The following ANO3 variants were observed in gnomAD, a reference collection of about 807,000 sequenced individuals.
The protein encoded by ANO3 is anoctamin 3.
A neutral mutation model predicts 144.8 loss-of-function variants in ANO3; 99 were observed. The ratio of observed to expected loss-of-function variants is 0.68; its 90% CI spans 0.58 to 0.81. The LOEUF is 0.81. ANO3 is among the 30% of genes least tolerant of loss of function. The pLI is 0.00. For synonymous variants in ANO3, 414 were observed against 392.6 expected (o/e 1.05, Z -0.64); for missense variants, 905 against 1,202.2 (o/e 0.75, Z 3.66).
intron 15 of ANO3, 85 bp downstream of exon 15, chr11:26,598,532 C>T: frequency 1.1e-6 from 1 of 920,464 alleles, no homozygotes; most frequent in Non-Finnish European, 1.7e-6. Flanking sequence ...CGGCTGGAAG[C>T]AGTTAACCAC....
intron 1 of ANO3, among the ~76,000 whole-genome samples, chr11:26,248,003 T>C (rs1410454723): frequency 6.6e-6 from 1 of 151,810 alleles, no homozygotes; most frequent in Non-Finnish European, 1.5e-5. Flanking sequence ...AGTCCTCTGA[T>C]TACAGGCGTG....
chr11:26,553,003 C>CACGTGTAAAAATGGCCTGTTATCATT (rs1554968939), intron 12 of ANO3, among the ~76,000 whole-genome samples: 12 of 151,714 alleles, frequency 7.9e-5, no homozygotes, highest in Admixed American at 3.9e-4. Context: ...CCATTTATCA[C>CACGTGTAAAAATGGCCTGTTATCATT]ACAATTATCT....
chr11:26,505,839 T>C (rs180840174), intron 4 of ANO3, among the ~76,000 whole-genome samples: 3,277 of 151,546 alleles, frequency 0.022, 60 homozygotes, highest in Non-Finnish European at 0.035. Context: ...AAATAGTAGC[T>C]GGGCGTGGTG....
chr11:26,447,424 AG>A (rs200092462), intron 3 of ANO3, among the ~76,000 whole-genome samples: 1,754 of 152,268 alleles, frequency 0.012, 17 homozygotes, highest in Non-Finnish European at 0.019. Flanking sequence ...AATGTCACAT[AG>A]CTAGCCAATG....
At chr11:26,404,509 G>C (rs1035793594) in intron 1 of ANO3, among the ~76,000 whole-genome samples, 3 of 151,726 alleles carry the variant, frequency 2.0e-5, no homozygotes, top group African/African-American at 7.3e-5. Flanking sequence ...TAGTGAGTAA[G>C]AGTATTGAAA....
intron 17 of ANO3, 29 bp from the exon 18 acceptor site, chr11:26,624,433 T>A: frequency 1.3e-6 from 2 of 1,534,744 alleles, no homozygotes; most frequent in Non-Finnish European, 1.8e-6. Context: ...AGAGGAATAA[T>A]GTTCACTATG....
At chr11:26,192,108 A>C (rs917254497) in intron 1 of ANO3, among the ~76,000 whole-genome samples, 2 of 152,194 alleles carry the variant, frequency 1.3e-5, no homozygotes, top group Non-Finnish European at 2.9e-5. Flanking sequence ...AGATTTTCAA[A>C]GATATTGTGT....
chr11:26,613,413 TTGTC>T (rs1460582441), intron 17 of ANO3, among the ~76,000 whole-genome samples: 1 of 152,170 alleles, frequency 6.6e-6, no homozygotes, highest in Admixed American at 6.5e-5. Context: ...ATTGAATCAT[TTGTC>T]TGTGCTGTCT....
chr11:26,559,616 G>T (rs1382067177), intron 13 of ANO3, 103 bp from the exon 14 acceptor site: 4 of 788,626 alleles, frequency 5.1e-6, no homozygotes, highest in East Asian at 2.5e-5. Flanking sequence ...AAAATAATAT[G>T]ATTCTATTTG....
At position 26,662,126 on chromosome 11, in the gene ANO3, C is replaced by T. The variant is rs541582035; in HGVS notation, c.*1682C>T. ...ATTAACACTGAAAATGTTTTGTTAGCTTTTCCTTCTTTCTCTCCAGAAGAA... is the reference window on the plus strand; with the variant it reads ...ATTAACACTGAAAATGTTTTGTTAGTTTTTCCTTCTTTCTCTCCAGAAGAA... On this transcript the variant is annotated 3_prime_UTR_variant, in exon 27 of 27. Transcript: ENST00000256737. 1.2e-4 allele frequency: 19 copies of T among 152,054 alleles called. No homozygotes were observed. The highest frequency in any genetic ancestry group is 4.1e-4 in the African/African-American group (17 of 41,520). 9.4% of individuals were successfully genotyped at this position (152,054 alleles called of 1,614,324 possible).
intron 1 of ANO3, among the ~76,000 whole-genome samples, chr11:26,190,514 A>C (rs1402305502): frequency 6.6e-6 from 1 of 152,170 alleles, no homozygotes; most frequent in Admixed American, 6.6e-5. Context: ...ACAGATGTAC[A>C]TAGCTTTTTA....
At chr11:26,484,537 G>T (rs1278792920) in intron 4 of ANO3, among the ~76,000 whole-genome samples, 10 of 152,198 alleles carry the variant, frequency 6.6e-5, no homozygotes, top group Non-Finnish European at 1.2e-4. Context: ...ATGCTTGGAT[G>T]TCCAGGCAGA....
chr11:26,594,258 T>C (rs1377620994), intron 14 of ANO3, among the ~76,000 whole-genome samples: 1 of 152,212 alleles, frequency 6.6e-6, no homozygotes, highest in African/African-American at 2.4e-5. Flanking sequence ...GGGTCTACAC[T>C]GGGAACTGCC....
intron 14 of ANO3, among the ~76,000 whole-genome samples, chr11:26,589,880 T>G (rs1316267875): frequency 6.6e-6 from 1 of 152,208 alleles, no homozygotes; most frequent in East Asian, 1.9e-4. Flanking sequence ...ATACGCAATC[T>G]GTATTTCTCT....
rs546224172 is a variant in ANO3 at position 26,249,781 on chromosome 11, A to AAAAG, written c.155-59846_155-59843dup. On this transcript the variant is annotated intron_variant, in intron 1 of 27. Coordinates refer to the ANO3 transcript ENST00000672621. Reference sequence around the variant, plus strand: ...AAACTCTGCTGAAAAAAACAAACAAAAAAGAAAGAAAGAAAGAAAGAGAAA... The same window carrying AAAAG: ...AAACTCTGCTGAAAAAAACAAACAAAAAAGAAAGAAAGAAAGAAAGAAAGAGAAA... Among the ~76,000 whole-genome samples the AAAAG allele has an allele frequency of 2.9e-3, 446 of 152,204 alleles. 4 individuals carry two copies. Among genetic ancestry groups the AAAAG allele is most frequent in the Non-Finnish European group, 2.3e-3 (159 of 68,008 alleles).
chr11:26,467,448 A>C (rs7940238), intron 4 of ANO3, among the ~76,000 whole-genome samples: 11,079 of 151,766 alleles, frequency 0.073, 681 homozygotes, highest in African/African-American at 0.17. Flanking sequence ...CATTTCCCAA[A>C]CCCTGGTAAT....
intron 1 of ANO3, among the ~76,000 whole-genome samples, chr11:26,360,517 G>A (rs528677320): frequency 2.2e-4 from 33 of 152,186 alleles, no homozygotes; most frequent in African/African-American, 6.7e-4. Flanking sequence ...CATTTAATCC[G>A]ACTTAGTTTA....
At chr11:26,626,149 T>C (rs945696368) in intron 18 of ANO3, among the ~76,000 whole-genome samples, 1 of 152,214 alleles carries the variant, frequency 6.6e-6, no homozygotes, top group Non-Finnish European at 1.5e-5. Flanking sequence ...AGAATAATTT[T>C]GAATCTTTTC....
chr11:26,430,322 G>C (rs917605517), intron 1 of ANO3, among the ~76,000 whole-genome samples: 5 of 151,560 alleles, frequency 3.3e-5, no homozygotes, highest in Middle Eastern at 3.5e-3. Context: ...GTCTACGTAT[G>C]TGTTTGTGTG....
Sources: gnomAD v4.1 joint callset for allele counts (sites outside exome capture counted in the v4.1 genomes callset) on GRCh38, gnomAD v4.1.1 for gene constraint, MANE v1.5 for transcripts, NCBI Gene and HGNC (gene_info 2026-07-23, HGNC 2026-07-21) for gene names.